Variants in PDE7B observed in about 807,000 individuals in gnomAD.
The protein encoded by PDE7B is 3',5'-cyclic-AMP phosphodiesterase 7B.
PDE7B carries 29 observed loss-of-function variants against 56.2 expected under a neutral mutation model. The ratio of observed to expected loss-of-function variants is 0.52; its 90% confidence interval spans 0.38 to 0.70. The LOEUF (loss-of-function observed/expected upper bound fraction) is 0.70, where lower values mean the gene tolerates loss of function less well. Among genes scored for constraint, PDE7B ranks in the 30% least tolerant of loss-of-function variants. The pLI, the probability that PDE7B is intolerant of heterozygous loss-of-function variation, is 0.00. For missense variants in PDE7B, 490 were observed against 565.0 expected (o/e 0.87, Z 1.35); for synonymous variants, 197 against 196.9 (o/e 1.00, Z 0.00).
In PDE7B at chr6:135,944,623, G is replaced by A. The variant is rs532413774; in HGVS notation, c.22-2841G>A. Among the ~76,000 whole-genome samples the A allele has an allele frequency of 5.3e-4, 81 of 152,272 alleles. 1 individual carries two copies. The highest frequency in any genetic ancestry group is 1.9e-3 in the African/African-American group (80 of 41,560). On this transcript the variant is annotated intron_variant, in intron 1 of 12. Coordinates refer to ENST00000308191, the MANE Select transcript of PDE7B (RefSeq NM_018945.4). ...GTTCTTGCTATTTGGTGATGAGCTTGTCTAGCCAGTGAACCCAGGCAGGCC... is the reference window on the plus strand; with the variant it reads ...GTTCTTGCTATTTGGTGATGAGCTTATCTAGCCAGTGAACCCAGGCAGGCC...
At chr6:135,864,788 C>CT (rs1028552517) in intron 1 of PDE7B, among the ~76,000 whole-genome samples, 18 of 151,924 alleles carry the variant, frequency 1.2e-4, no homozygotes, top group Non-Finnish European at 2.2e-4. Flanking sequence ...TCTAGCCTTT[C>CT]TTTTTTTATT....
chr6:135,923,260 ACT>A lies in PDE7B; in HGVS notation c.22-24201_22-24200del, dbSNP rs558678930. Among the ~76,000 whole-genome samples, 162 of 152,306 alleles carry A rather than the reference ACT, an allele frequency of 1.1e-3. 2 individuals are homozygous for A. Among genetic ancestry groups the A allele is most frequent in the Middle Eastern group, 3.4e-3 (1 of 294 alleles). ...ATACTGAGTGCCTACTGTGTGGCAA[ACT>A]CTGCACTAGGCATGGAGACACCAAG... On this transcript the variant is annotated intron_variant, in intron 1 of 12. Coordinates refer to ENST00000308191, the MANE Select transcript of PDE7B (RefSeq NM_018945.4).
At chr6:135,895,943 G>C (rs759680999) in intron 1 of PDE7B, among the ~76,000 whole-genome samples, 1 of 152,120 alleles carries the variant, frequency 6.6e-6, no homozygotes, top group African/African-American at 2.4e-5. Context: ...TGCCCCAAGG[G>C]TTCCTTCTTC....
chr6:135,933,645 C>A (rs1305332787), intron 1 of PDE7B, among the ~76,000 whole-genome samples: 1 of 152,096 alleles, frequency 6.6e-6, no homozygotes, highest in Non-Finnish European at 1.5e-5. Context: ...TTATAAATTA[C>A]AAGGTTAAAA....
chr6:136,087,312 T>C (rs1429266785), intron 2 of PDE7B, among the ~76,000 whole-genome samples: 1 of 152,142 alleles, frequency 6.6e-6, no homozygotes, highest in Non-Finnish European at 1.5e-5. Flanking sequence ...AACCAGAAGT[T>C]TTGGCTAATA....
intron 2 of PDE7B, among the ~76,000 whole-genome samples, chr6:135,956,673 A>C (rs1052238524): frequency 6.6e-6 from 1 of 152,006 alleles, no homozygotes; most frequent in African/African-American, 2.4e-5. Context: ...TCAGCTACTC[A>C]GGAGGCTGAG....
rs908684487 is a variant in PDE7B, at chr6:136,143,370, A to T, written c.167-3981A>T. On this transcript the variant is annotated intron_variant, in intron 3 of 12. Coordinates refer to ENST00000308191, the MANE Select transcript of PDE7B (RefSeq NM_018945.4). ...CATGTCTATTATATTTTTTTTATTT[A>T]AAAAAAAAATGCAAGACAGGCTAGA... 4.0e-5 allele frequency among the ~76,000 whole-genome samples: 6 copies of T among 149,412 alleles called. No homozygotes were observed. The South Asian group carries it at 6.4e-4, about 16-fold the overall frequency.
intron 2 of PDE7B, among the ~76,000 whole-genome samples, chr6:136,003,945 A>T (rs1328584915): frequency 6.6e-6 from 1 of 152,126 alleles, no homozygotes; most frequent in Admixed American, 6.5e-5. Context: ...TTGATGCAAA[A>T]ATCCTCAATA....
intron 12 of PDE7B, among the ~76,000 whole-genome samples, chr6:136,188,727 C>T (rs1179212241): frequency 1.3e-5 from 2 of 152,130 alleles, no homozygotes; most frequent in East Asian, 3.8e-4. Flanking sequence ...ATCATATGTC[C>T]TGATTTTCAG....
intron 1 of PDE7B, among the ~76,000 whole-genome samples, chr6:135,855,943 G>A (rs1389986681): frequency 6.6e-6 from 1 of 152,156 alleles, no homozygotes; most frequent in Non-Finnish European, 1.5e-5. Context: ...CAACTCTGGA[G>A]CTTCCATTTC....
intron 1 of PDE7B, among the ~76,000 whole-genome samples, chr6:135,929,757 C>A (rs986721931): frequency 6.6e-6 from 1 of 152,174 alleles, no homozygotes; most frequent in East Asian, 1.9e-4. Context: ...GCTACGAGGG[C>A]GTTTAGAAGA....
intron 2 of PDE7B, among the ~76,000 whole-genome samples, chr6:136,045,847 TC>T: frequency 6.6e-6 from 1 of 150,954 alleles, no homozygotes; most frequent in South Asian, 2.1e-4. Context: ...CGTAAAGGTA[TC>T]GAAAAGGAAA....
chr6:136,044,165 T>C (rs1346688416), intron 2 of PDE7B: 2 of 152,232 alleles, frequency 1.3e-5, no homozygotes, highest in Non-Finnish European at 2.9e-5. Flanking sequence ...AAGGAAAATA[T>C]GCCTTTCTCT....
In PDE7B at chr6:136,108,772, C is replaced by T. The variant is rs368200791; in HGVS notation, c.124C>T (p.Arg42Cys). The change falls in exon 3 of 13, where the codon CGC (arginine) becomes TGC (cysteine). Residue 42 changes from arginine to cysteine, a missense_variant. By Grantham distance (180) the Arg-to-Cys change is radical. Transcript: ENST00000308191. ...GGGTCAGACGGGGGTTCGTGCTGAA[C>T]GCCGTGGCTCCTACCCATTCATTGA... is the stretch of plus-strand genomic sequence containing the variant. ...LRGQTGVRAERRGSYPFIDFR... is the reference protein window; with the variant it reads ...LRGQTGVRAECRGSYPFIDFR... The T allele has an allele frequency of 6.2e-6, 10 of 1,611,596 alleles. No individual in the cohort carries two copies. The highest frequency in any genetic ancestry group is 1.3e-5 in the African/African-American group (1 of 74,918).
intron 2 of PDE7B, among the ~76,000 whole-genome samples, chr6:136,078,294 G>T (rs991768408): frequency 1.3e-5 from 2 of 152,172 alleles, no homozygotes; most frequent in Non-Finnish European, 2.9e-5. Context: ...ATAGGTATTT[G>T]ATGAATACTC....
At chr6:136,177,737 A>G (rs1779002855) in intron 9 of PDE7B, among the ~76,000 whole-genome samples, 1 of 152,198 alleles carries the variant, frequency 6.6e-6, no homozygotes, top group African/African-American at 2.4e-5. Flanking sequence ...GAAGATAAAC[A>G]TACCCTGTCA....
intron 2 of PDE7B, among the ~76,000 whole-genome samples, chr6:136,088,564 C>T (rs1464924715): frequency 1.3e-5 from 2 of 152,038 alleles, no homozygotes; most frequent in African/African-American, 2.4e-5. Flanking sequence ...GTCAAGTGGA[C>T]AAAAGACCAT....
chr6:135,973,123 T>G (rs963959953), intron 2 of PDE7B, among the ~76,000 whole-genome samples: 10 of 152,136 alleles, frequency 6.6e-5, no homozygotes, highest in Non-Finnish European at 1.3e-4. Context: ...TGATGAGTGA[T>G]TCCTGATTTT....
intron 1 of PDE7B, among the ~76,000 whole-genome samples, chr6:135,916,757 T>C (rs1031007203): frequency 6.6e-5 from 10 of 152,110 alleles, no homozygotes; most frequent in Non-Finnish European, 1.3e-4. Context: ...GGCTTGTAGT[T>C]TTAAAAAATA....
Sources: gnomAD v4.1 joint callset for allele counts (sites outside exome capture counted in the v4.1 genomes callset) on GRCh38, gnomAD v4.1.1 for gene constraint, MANE v1.5 for transcripts, NCBI Gene and HGNC (gene_info 2026-07-23, HGNC 2026-07-21) for gene names.